ANK2: variants seen among roughly 807,000 people sequenced by gnomAD.
ANK2 encodes ankyrin-2.
ANK2 carries 83 observed loss-of-function variants against 360.5 expected under a neutral mutation model. The observed-to-expected ratio is 0.23, with a 90% CI of 0.19 to 0.28. The LOEUF (loss-of-function observed/expected upper bound fraction) is 0.28, where lower values mean the gene tolerates loss of function less well. Ranked by LOEUF, ANK2 falls within the 10% of genes least tolerant of loss-of-function variation. The pLI is 1.00. For synonymous variants in ANK2, 1,740 were observed against 1,759.5 expected, an observed-to-expected ratio of 0.99 and a Z score of 0.28; for missense variants, 4,201 against 4,795.7, an observed-to-expected ratio of 0.88 and a Z score of 3.66.
intron 1 of ANK2, among the ~76,000 whole-genome samples, chr4:112,891,714 A>G (rs2080085336): frequency 6.6e-6 from 1 of 152,196 alleles, no homozygotes; most frequent in South Asian, 2.1e-4. Flanking sequence ...TTGTATTTTA[A>G]ATGAGGTTAT....
chr4:113,354,775 G>A lies in ANK2; in HGVS notation c.6157G>A (p.Gly2053Ser), dbSNP rs2095643319. The change falls in exon 38 of 46, where the codon GGC (glycine) becomes AGC (serine). Residue 2053 changes from glycine (G) to serine (S), a missense_variant. Around this residue, in one of 4 missense-constraint regions of ANK2, gnomAD observed 2,642 missense variants for 2,714.5 expected, o/e 0.97. Coordinates refer to ENST00000357077, the MANE Select transcript of ANK2 (RefSeq NM_001148.6). ...QKTENQTIKR[G>S]QRLPVTGTAE... ...AACAGAGAATCAGACAATCAAACGA[G>A]GCCAGAGACTCCCGGTAACGGGCAC... is the stretch of plus-strand genomic sequence containing the variant. 4 of 1,614,022 alleles carry A rather than the reference G, an allele frequency of 2.5e-6. No homozygotes were observed. Among genetic ancestry groups the A allele is most frequent in the Non-Finnish European group, 3.4e-6 (4 of 1,179,984 alleles).
rs1471435746 is a variant in ANK2 at position 113,369,781 on chromosome 4, CGAT to C, written c.11589_11591del (p.Asp3863del). ...ACCAGCCTGAGACCTGTGAAAGACT[CGAT>C]GAAGATGCAGCTTTTGAAAAGGTAA... On this transcript the variant is annotated inframe_deletion, in exon 43 of 46. Transcript: ENST00000357077. The C allele has an allele frequency of 1.2e-6, 2 of 1,613,946 alleles. No homozygotes were observed. The highest frequency in any genetic ancestry group is 1.7e-6 in the Non-Finnish European group (2 of 1,180,018).
At chr4:112,979,329 C>G (rs1171802432) in intron 2 of ANK2, among the ~76,000 whole-genome samples, 1 of 152,198 alleles carries the variant, frequency 6.6e-6, no homozygotes, top group Non-Finnish European at 1.5e-5. Flanking sequence ...AGGTGTACCG[C>G]AAGCAGCTTC....
intron 1 of ANK2, among the ~76,000 whole-genome samples, chr4:113,143,491 T>C (rs528837720): frequency 2.6e-5 from 4 of 152,310 alleles, no homozygotes; most frequent in African/African-American, 9.6e-5. Flanking sequence ...AGGCTAGAGA[T>C]AATTTTTAAG....
the ANK2 span, among the ~76,000 whole-genome samples, chr4:112,746,945 C>T: frequency 8.0e-4 from 122 of 152,234 alleles, no homozygotes; most frequent in African/African-American, 2.8e-3. Context: ...ACTGTGGTCA[C>T]GCATTTACGA....
intron 4 of ANK2, among the ~76,000 whole-genome samples, chr4:113,216,505 A>G (rs901453401): frequency 2.6e-5 from 4 of 152,246 alleles, no homozygotes; most frequent in Non-Finnish European, 1.5e-5. Flanking sequence ...TTGATTGCCA[A>G]TGAAATGCCT....
chr4:113,233,487 C>A (rs1585550392), intron 5 of ANK2, among the ~76,000 whole-genome samples: 4 of 152,144 alleles, frequency 2.6e-5, no homozygotes, highest in Admixed American at 2.6e-4. Flanking sequence ...AAACTCCTGG[C>A]CTGAAGTGAA....
chr4:113,304,346 C>T (rs1407749330), intron 23 of ANK2, among the ~76,000 whole-genome samples: 4 of 152,114 alleles, frequency 2.6e-5, no homozygotes, highest in Non-Finnish European at 5.9e-5. Flanking sequence ...CTGGATAGAA[C>T]AACTTGTTTA....
chr4:112,789,791 G>T, the ANK2 span, among the ~76,000 whole-genome samples: 1 of 152,192 alleles, frequency 6.6e-6, no homozygotes, highest in Admixed American at 6.5e-5. Context: ...GGATGGGAAA[G>T]AACATGAAAC....
chr4:113,220,084 C>A (rs1412974446), intron 4 of ANK2, among the ~76,000 whole-genome samples: 1 of 152,158 alleles, frequency 6.6e-6, no homozygotes, highest in Non-Finnish European at 1.5e-5. Flanking sequence ...GCCAGTTTAT[C>A]CTCACCTGGC....
At chr4:112,977,645 T>C (rs1362533889) in intron 2 of ANK2, among the ~76,000 whole-genome samples, 1 of 151,822 alleles carries the variant, frequency 6.6e-6, no homozygotes, top group Admixed American at 6.6e-5. Context: ...TACACGTCCA[T>C]GGTGGTTTGC....
chr4:113,048,264 ATATATATATATATTTTTTTTTTTT>A (rs1195439232), upstream of ANK2, among the ~76,000 whole-genome samples: 3 of 81,932 alleles, frequency 3.7e-5, no homozygotes, highest in Non-Finnish European at 6.1e-5. Context: ...ATATATATAT[ATATATATATATATTTTTTTTTTTT>A]TTTTTTTTTT....
At chr4:113,302,920 C>G in intron 23 of ANK2, 81 bp downstream of exon 23, 1 of 1,182,972 alleles carries the variant, frequency 8.5e-7, no homozygotes, top group Non-Finnish European at 1.3e-6. Flanking sequence ...AGAGACCAAG[C>G]TGGTTATGTG....
the ANK2 span, chr4:112,755,877 A>G: frequency 1.3e-5 from 2 of 152,772 alleles, no homozygotes; most frequent in Non-Finnish European, 2.9e-5. Context: ...GTAACTGGTT[A>G]TAATCAATTT....
chr4:113,142,822 C>G (rs1258783471), intron 1 of ANK2, among the ~76,000 whole-genome samples: 1 of 152,020 alleles, frequency 6.6e-6, no homozygotes, highest in Non-Finnish European at 1.5e-5. Context: ...TTGGTTCATA[C>G]TCTCAGTGGT....
At chr4:112,847,704 T>G (rs1331700346) in intron 1 of ANK2, among the ~76,000 whole-genome samples, 2 of 152,100 alleles carry the variant, frequency 1.3e-5, no homozygotes, top group Non-Finnish European at 2.9e-5. Flanking sequence ...AAAGCCTATA[T>G]AAACCCCTTC....
At chr4:113,042,690 G>A (rs2063279143) in intron 2 of ANK2, among the ~76,000 whole-genome samples, 1 of 152,132 alleles carries the variant, frequency 6.6e-6, no homozygotes, top group South Asian at 2.1e-4. Context: ...ATTCAACTAT[G>A]TGGGCCTCAT....
intron 1 of ANK2, among the ~76,000 whole-genome samples, chr4:113,061,132 A>T (rs1411447873): frequency 6.6e-6 from 1 of 151,878 alleles, no homozygotes; most frequent in Non-Finnish European, 1.5e-5. Flanking sequence ...GTTTTTTTGG[A>T]TGGGTAGGAG....
rs534519908 is a variant in ANK2, at chr4:112,836,251, A to G, written c.-40+17987A>G. Among the ~76,000 whole-genome samples the G allele has an allele frequency of 2.0e-5, 3 of 152,180 alleles. No individual in the cohort carries two copies. The East Asian group carries it at 5.8e-4, about 29-fold the overall frequency. ...TTCCTCGCTCTCTCTCCCTCCTGCC[A>G]CCTTGTGAAGAAGGTGCCTTGCTTC... On this transcript the variant is annotated intron_variant, in intron 1 of 30. Transcript: ENST00000503271.
Sources: gnomAD v4.1 joint callset for allele counts (sites outside exome capture counted in the v4.1 genomes callset) on GRCh38, gnomAD v4.1.1 for gene constraint, gnomAD v4.1.1 regional missense constraint, MANE v1.5 for transcripts, NCBI Gene and HGNC (gene_info 2026-07-23, HGNC 2026-07-21) for gene names.